Variants in WDFY2 observed in about 807,000 individuals in gnomAD.
WDFY2 encodes the protein WD repeat and FYVE domain-containing protein 2.
WDFY2 carries 36 observed loss-of-function variants against 56.4 expected under a neutral mutation model. The observed-to-expected ratio is 0.64, with a 90% CI of 0.49 to 0.84. WDFY2 has a LOEUF of 0.84. Ranked by LOEUF, WDFY2 falls within the 40% of genes least tolerant of loss-of-function variation. WDFY2 has a pLI of 0.00. For missense variants in WDFY2, 444 were observed against 512.2 expected, an observed-to-expected ratio of 0.87 and a Z score of 1.29; for synonymous variants, 176 against 183.7, an observed-to-expected ratio of 0.96 and a Z score of 0.34.
chr13:51,711,882 C>T (rs1025290929), intron 4 of WDFY2, among the ~76,000 whole-genome samples: 1 of 152,104 alleles, frequency 6.6e-6, no homozygotes, highest in Non-Finnish European at 1.5e-5. Context: ...GACAGTGTGG[C>T]GATTCCTCAA....
In WDFY2 at chr13:51,737,939, A is replaced by C. The variant is rs565104961; in HGVS notation, c.599-1110A>C. Among the ~76,000 whole-genome samples the C allele has an allele frequency of 3.3e-5, 5 of 152,370 alleles. No homozygotes were observed. In the East Asian group the frequency reaches 7.7e-4, roughly 23 times the overall value. On this transcript the variant is annotated intron_variant, in intron 6 of 11. Coordinates refer to ENST00000298125, the MANE Select transcript of WDFY2 (RefSeq NM_052950.4). ...GACGCTAGGAAGCATAATCCAGAAT[A>C]GTAGAGTTTGGGGTTCCCCCTACTT...
intron 2 of WDFY2, among the ~76,000 whole-genome samples, chr13:51,671,317 T>C (rs930084269): frequency 2.0e-4 from 30 of 152,208 alleles, no homozygotes; most frequent in African/African-American, 7.2e-4. Flanking sequence ...GTTGTACTAG[T>C]TTGCATTCCC....
intron 1 of WDFY2, among the ~76,000 whole-genome samples, chr13:51,627,525 C>T (rs1256625056): frequency 6.6e-6 from 1 of 151,998 alleles, no homozygotes; most frequent in Non-Finnish European, 1.5e-5. Flanking sequence ...CCTGCCACCA[C>T]ACCTGGCTAA....
intron 3 of WDFY2, among the ~76,000 whole-genome samples, chr13:51,691,801 T>C (rs1047392978): frequency 2.2e-4 from 33 of 152,212 alleles, no homozygotes; most frequent in African/African-American, 7.9e-4. Context: ...GTGGCCATTA[T>C]CACGATATTG....
intron 3 of WDFY2, among the ~76,000 whole-genome samples, chr13:51,696,906 A>G (rs201948151): frequency 2.4e-3 from 371 of 152,328 alleles, no homozygotes; most frequent in Non-Finnish European, 3.0e-3. Context: ...AAAAGCAACA[A>G]ATAGTTCCGT....
chr13:51,756,337 C>T lies in WDFY2; in HGVS notation c.939C>T (p.His313=). The change falls in exon 10 of 12, where the codon CAC becomes CAT. Residue 313 remains histidine, a synonymous_variant. Coordinates refer to ENST00000298125, the MANE Select transcript of WDFY2 (RefSeq NM_052950.4). ...ATTTTATCTCCCTCCTCCAGCACCA[C>T]TGCCGCAAGTGTGGGAAGGCCGTCT... ...DSKKIGLRQH[H]CRKCGKAVCG... The T allele has an allele frequency of 6.2e-7, 1 of 1,613,444 alleles. No individual in the cohort carries two copies. Among genetic ancestry groups the T allele is most frequent in the Non-Finnish European group, 8.5e-7 (1 of 1,179,604 alleles).
chr13:51,729,453 TC>T (rs1433711550), intron 6 of WDFY2, among the ~76,000 whole-genome samples: 1 of 151,106 alleles, frequency 6.6e-6, no homozygotes, highest in Non-Finnish European at 1.5e-5. Flanking sequence ...CCACTGTATA[TC>T]CCCCTCACCC....
chr13:51,742,157 G>A (rs915769404), intron 7 of WDFY2, among the ~76,000 whole-genome samples: 1 of 152,152 alleles, frequency 6.6e-6, no homozygotes, highest in Non-Finnish European at 1.5e-5. Context: ...CATGTCTTCT[G>A]TTCTGAGTTC....
intron 1 of WDFY2, among the ~76,000 whole-genome samples, chr13:51,631,104 A>G (rs1226660078): frequency 1.3e-5 from 2 of 149,014 alleles, no homozygotes; most frequent in Admixed American, 6.6e-5. Flanking sequence ...TTAAGGAAAG[A>G]AAACAAGCTG....
At chr13:51,757,457 GAAAA>G (rs34923461) in intron 10 of WDFY2, among the ~76,000 whole-genome samples, 1 of 137,462 alleles carries the variant, frequency 7.3e-6, no homozygotes, top group African/African-American at 2.8e-5. Flanking sequence ...TAGAAAAAAG[GAAAA>G]AAAAAAATTG....
At chr13:51,702,357 T>TAA (rs1414716433) in intron 3 of WDFY2, among the ~76,000 whole-genome samples, 4 of 152,016 alleles carry the variant, frequency 2.6e-5, no homozygotes, top group Non-Finnish European at 5.9e-5. Context: ...ATTGTAGGTC[T>TAA]AACTCTTCCA....
chr13:51,599,421 A>G (rs1954222933), intron 1 of WDFY2: 1 of 157,170 alleles, frequency 6.4e-6, no homozygotes, highest in Admixed American at 6.4e-5. Flanking sequence ...ATGGCACAGT[A>G]AAGCTGCTCA....
chr13:51,755,466 G>C lies in WDFY2; in HGVS notation c.933+7G>C. 1 of 1,610,962 alleles carries C rather than the reference G, an allele frequency of 6.2e-7. No homozygotes were observed. Reference sequence around the variant, plus strand: ...GAAAATTGGTCTAAGACAGGTGAGTGATATGGATGCTTCATCAAAATGTAA... The same window carrying C: ...GAAAATTGGTCTAAGACAGGTGAGTCATATGGATGCTTCATCAAAATGTAA... On this transcript the variant is annotated splice_region_variant and intron_variant, in intron 9 of 11. Transcript: ENST00000298125.
intron 1 of WDFY2, among the ~76,000 whole-genome samples, chr13:51,599,852 G>C (rs1954231729): frequency 6.6e-6 from 1 of 151,472 alleles, no homozygotes; most frequent in East Asian, 1.9e-4. Flanking sequence ...TGTCATGTGG[G>C]TGAAAGTTAA....
At chr13:51,637,527 G>A (rs1158212661) in intron 1 of WDFY2, among the ~76,000 whole-genome samples, 1 of 151,962 alleles carries the variant, frequency 6.6e-6, no homozygotes, top group Non-Finnish European at 1.5e-5. Context: ...CCATGTTAGA[G>A]AACTGAGTGT....
chr13:51,724,721 A>G (rs955824054), intron 5 of WDFY2, among the ~76,000 whole-genome samples: 6 of 152,208 alleles, frequency 3.9e-5, no homozygotes, highest in African/African-American at 9.6e-5. Flanking sequence ...GCACGTCACT[A>G]TCACCTGAAG....
chr13:51,739,189 T>TG lies in WDFY2; in HGVS notation c.725+15dup. 1 of 1,577,542 alleles carries TG rather than the reference T, an allele frequency of 6.3e-7. No individual in the cohort carries two copies. Among genetic ancestry groups the TG allele is most frequent in the Non-Finnish European group, 8.6e-7 (1 of 1,161,796 alleles). ...CCAAGGACACAAGTAAGGTTGCTGG[T>TG]GCTTTCATAAAGACTCTGAGAAAAG... On this transcript the variant is annotated intron_variant, in intron 7 of 11. Transcript: ENST00000298125.
intron 1 of WDFY2, chr13:51,588,468 C>T (rs957860281): frequency 1.3e-5 from 2 of 152,164 alleles, no homozygotes; most frequent in Admixed American, 6.5e-5. Flanking sequence ...TTGATAGTTT[C>T]GTTTAGGCAA....
intron 1 of WDFY2, among the ~76,000 whole-genome samples, chr13:51,604,782 T>A (rs1954354111): frequency 6.6e-6 from 1 of 152,180 alleles, no homozygotes; most frequent in Non-Finnish European, 1.5e-5. Context: ...GGATAGAGTG[T>A]CAGGGGACAT....
Sources: gnomAD v4.1 joint callset for allele counts (sites outside exome capture counted in the v4.1 genomes callset) on GRCh38, gnomAD v4.1.1 for gene constraint, MANE v1.5 for transcripts, NCBI Gene and HGNC (gene_info 2026-07-23, HGNC 2026-07-21) for gene names.